Variants in TBC1D32 observed in about 807,000 individuals in gnomAD.
The protein encoded by TBC1D32 is protein broad-minded.
In TBC1D32, 151 loss-of-function variants were observed where a neutral mutation model predicts 170.3. The observed-to-expected ratio is 0.89, with a 90% CI of 0.78 to 1.01. TBC1D32 has a LOEUF of 1.01. Among genes scored for constraint, TBC1D32 ranks in the 50% least tolerant of loss-of-function variants. The pLI, the probability that TBC1D32 is intolerant of heterozygous loss-of-function variation, is 0.00. For synonymous variants in TBC1D32, 498 were observed against 488.0 expected (o/e 1.02, Z -0.27); for missense variants, 1,464 against 1,457.1 (o/e 1.00, Z -0.08).
At chr6:121,102,864 A>G (rs1258246033) in intron 30 of TBC1D32, among the ~76,000 whole-genome samples, 2 of 152,204 alleles carry the variant, frequency 1.3e-5, no homozygotes, top group African/African-American at 2.4e-5. Context: ...AATATCCAGA[A>G]TCTACAAAGA....
intron 20 of TBC1D32, among the ~76,000 whole-genome samples, chr6:121,233,632 G>A (rs905470323): frequency 1.3e-5 from 2 of 152,092 alleles, no homozygotes; most frequent in Non-Finnish European, 2.9e-5. Flanking sequence ...GAAGATAGCA[G>A]TACCTTGGTT....
intron 21 of TBC1D32, among the ~76,000 whole-genome samples, chr6:121,213,950 G>C (rs898601995): frequency 1.3e-5 from 2 of 152,090 alleles, no homozygotes; most frequent in Non-Finnish European, 2.9e-5. Context: ...CAAACCAATG[G>C]AAAAGAATAG....
At chr6:121,082,836 A>G (rs994489366) in intron 31 of TBC1D32, among the ~76,000 whole-genome samples, 38 of 152,116 alleles carry the variant, frequency 2.5e-4, no homozygotes, top group African/African-American at 9.1e-4. Context: ...TACACCAAAG[A>G]GATACCCATA....
intron 15 of TBC1D32, among the ~76,000 whole-genome samples, chr6:121,267,713 A>G (rs920850619): frequency 6.6e-6 from 1 of 152,172 alleles, no homozygotes; most frequent in Admixed American, 6.5e-5. Context: ...AAAAGGCAGC[A>G]GAAACTTCTG....
At chr6:121,161,129 G>T in intron 22 of TBC1D32, 73 bp from the exon 23 acceptor site, 1 of 1,149,366 alleles carries the variant, frequency 8.7e-7, no homozygotes, top group South Asian at 1.4e-5. Context: ...CAAGTCTCTG[G>T]ATTGTAAAGA....
At chr6:121,207,803 T>C (rs1328670385) in intron 21 of TBC1D32, among the ~76,000 whole-genome samples, 1 of 152,158 alleles carries the variant, frequency 6.6e-6, no homozygotes, top group African/African-American at 2.4e-5. Context: ...GGAATATCAG[T>C]TCTATATAAA....
At chr6:121,285,647 T>C (rs1803690343) in intron 12 of TBC1D32, among the ~76,000 whole-genome samples, 1 of 152,130 alleles carries the variant, frequency 6.6e-6, no homozygotes. Context: ...GTAATGGTTC[T>C]CCCAGCAAGC....
At chr6:121,254,983 A>G (rs1583418571) in intron 17 of TBC1D32, among the ~76,000 whole-genome samples, 1 of 152,104 alleles carries the variant, frequency 6.6e-6, no homozygotes, top group Non-Finnish European at 1.5e-5. Context: ...AATAGACTTC[A>G]TTGGCATTTG....
intron 1 of TBC1D32, among the ~76,000 whole-genome samples, chr6:121,328,465 T>C (rs1810769359): frequency 6.6e-6 from 1 of 151,536 alleles, no homozygotes; most frequent in Non-Finnish European, 1.5e-5. Context: ...TTTTTTTTTT[T>C]AGTAGAGACG....
At chr6:121,287,220 G>C (rs1804007816) in intron 12 of TBC1D32, among the ~76,000 whole-genome samples, 1 of 152,120 alleles carries the variant, frequency 6.6e-6, no homozygotes, top group Non-Finnish European at 1.5e-5. Flanking sequence ...ATTAGATAAG[G>C]AGTCAAGGCC....
chr6:121,231,115 G>A (rs1795679777), intron 20 of TBC1D32, among the ~76,000 whole-genome samples: 1 of 152,036 alleles, frequency 6.6e-6, no homozygotes, highest in African/African-American at 2.4e-5. Flanking sequence ...TGTTGCTGGA[G>A]TTGATTTTTG....
At chr6:121,107,912 T>G (rs1778845145) in intron 29 of TBC1D32, among the ~76,000 whole-genome samples, 1 of 152,072 alleles carries the variant, frequency 6.6e-6, no homozygotes, top group South Asian at 2.1e-4. Flanking sequence ...GTTATTGTTA[T>G]GTAATGGACT....
rs1440199425 is a variant in TBC1D32, at chr6:121,160,162, A to G, written c.2680-59T>C. The G allele has an allele frequency of 6.3e-6, 7 of 1,112,150 alleles. No individual in the cohort carries two copies. In the Admixed American group the frequency reaches 1.2e-4, roughly 19 times the overall value. The allele number at this position is 1,112,150 out of a possible 1,614,324, so 68.9% of individuals were successfully genotyped here. A position where few individuals can be genotyped will look rare whatever the true frequency, so the allele number is the denominator to read the frequency against. On this transcript the variant is annotated intron_variant, in intron 23 of 31. Transcript: ENST00000398212. The stretch of plus-strand genomic sequence containing the variant: ...GTGGTCTAAAATAATATTGAATTTT[A>G]AAGCTATCTGAAATATTGTTAACTT...
chr6:121,319,991 A>G (rs1479475924), intron 2 of TBC1D32, among the ~76,000 whole-genome samples: 1 of 152,150 alleles, frequency 6.6e-6, no homozygotes, highest in African/African-American at 2.4e-5. Context: ...ACATCAATTA[A>G]CAATGAAATT....
At chr6:121,247,078 A>G (rs1194695585) in intron 17 of TBC1D32, among the ~76,000 whole-genome samples, 1 of 152,124 alleles carries the variant, frequency 6.6e-6, no homozygotes, top group East Asian at 1.9e-4. Flanking sequence ...AGAAAAAAGC[A>G]TCAGGTAACC....
At chr6:121,260,029 T>C (rs1799560087) in intron 15 of TBC1D32, among the ~76,000 whole-genome samples, 1 of 152,064 alleles carries the variant, frequency 6.6e-6, no homozygotes, top group Admixed American at 6.6e-5. Context: ...AGGCTTATAC[T>C]CCTCAGGCAG....
chr6:121,182,006 A>G (rs532195683), intron 22 of TBC1D32, among the ~76,000 whole-genome samples: 1 of 152,250 alleles, frequency 6.6e-6, no homozygotes, highest in East Asian at 1.9e-4. Flanking sequence ...GGATCAAAAT[A>G]TCACACATAT....
rs1425671761 is a variant in TBC1D32, at chr6:121,304,856, T to A, written c.691-23A>T. On this transcript the variant is annotated intron_variant, in intron 5 of 31. Coordinates refer to ENST00000398212, the MANE Select transcript of TBC1D32 (RefSeq NM_152730.6). ...GTCCTACGGAAATGAGACAGAAAAT[T>A]TGCATCTAAGATCTCACAAGAATAG... The A allele has an allele frequency of 3.3e-6, 5 of 1,529,474 alleles. No individual in the cohort carries two copies. In the African/African-American group the frequency reaches 5.5e-5, roughly 17 times the overall value. 94.7% of individuals were successfully genotyped at this position (1,529,474 alleles called of 1,614,324 possible).
chr6:121,207,960 G>A (rs1251351488), intron 21 of TBC1D32, among the ~76,000 whole-genome samples: 1 of 152,092 alleles, frequency 6.6e-6, no homozygotes, highest in Middle Eastern at 3.2e-3. Context: ...TCCACTTCTA[G>A]AAGTGGCTTA....
Sources: allele counts gnomAD v4.1 joint callset (sites outside exome capture counted in the v4.1 genomes callset), GRCh38; gene constraint gnomAD v4.1.1; transcripts MANE v1.5; gene names NCBI Gene and HGNC (gene_info 2026-07-23, HGNC 2026-07-21).